CACNA2D2: variants seen among roughly 807,000 people sequenced by gnomAD.
CACNA2D2 encodes calcium voltage-gated channel auxiliary subunit alpha2delta 2.
CACNA2D2 carries 48 observed loss-of-function variants against 166.4 expected under a neutral mutation model. The observed-to-expected ratio is 0.29, with a 90% CI of 0.23 to 0.37. The LOEUF (loss-of-function observed/expected upper bound fraction) is 0.37, where lower values mean the gene tolerates loss of function less well. CACNA2D2 is among the 10% of genes least tolerant of loss of function. CACNA2D2 has a pLI of 1.00. For missense variants in CACNA2D2, 1,122 were observed against 1,433.0 expected (o/e 0.78, Z 3.50); for synonymous variants, 561 against 573.7 (o/e 0.98, Z 0.32).
rs115692863 is a variant in CACNA2D2 at position 50,376,882 on chromosome 3, C to T, written c.1626+585G>A. 1.3e-3 allele frequency among the ~76,000 whole-genome samples: 202 copies of T among 152,326 alleles called. No individual in the cohort carries two copies. The highest frequency in any genetic ancestry group is 4.5e-3 in the African/African-American group (187 of 41,574). Reference sequence around the variant, plus strand: ...CAGCCACAATGCCATCTTGCCCCTACCCTGGTTTATGATTGTTTTTCACCT... The same window carrying T: ...CAGCCACAATGCCATCTTGCCCCTATCCTGGTTTATGATTGTTTTTCACCT... On this transcript the variant is annotated intron_variant, in intron 17 of 37. Coordinates refer to ENST00000424201, the MANE Select transcript of CACNA2D2 (RefSeq NM_006030.4). The surrounding 1 kb of genome is among the most constrained non-coding windows in gnomAD (Gnocchi z 4.3).
chr3:50,401,695 G>A (rs758179797), intron 3 of CACNA2D2, among the ~76,000 whole-genome samples: 3 of 151,990 alleles, frequency 2.0e-5, no homozygotes, highest in South Asian at 4.1e-4. Flanking sequence ...AAAAGTGAAC[G>A]TTTTATTTTT....
chr3:50,415,011 G>A (rs560942867), intron 3 of CACNA2D2, among the ~76,000 whole-genome samples: 6 of 152,338 alleles, frequency 3.9e-5, no homozygotes, highest in African/African-American at 9.6e-5. Context: ...CCATGGGCCC[G>A]TCTTTCCTCC....
chr3:50,481,865 G>A (rs368343685), intron 1 of CACNA2D2, among the ~76,000 whole-genome samples: 10 of 152,090 alleles, frequency 6.6e-5, no homozygotes, highest in South Asian at 4.1e-4. Context: ...GTGTGGTATC[G>A]TACACCTGTA....
chr3:50,496,285 G>A (rs1041934650), intron 1 of CACNA2D2, among the ~76,000 whole-genome samples: 3 of 151,594 alleles, frequency 2.0e-5, no homozygotes, highest in Admixed American at 6.6e-5. Context: ...GCCTACACAC[G>A]AGAATGCCCA....
chr3:50,408,643 G>A (rs537846868), intron 3 of CACNA2D2, among the ~76,000 whole-genome samples: 1 of 152,348 alleles, frequency 6.6e-6, no homozygotes, highest in East Asian at 1.9e-4. Context: ...CAACATTTAA[G>A]GCGTTTGTCA....
At chr3:50,442,492 G>A (rs1260831618) in intron 2 of CACNA2D2, among the ~76,000 whole-genome samples, 2 of 152,148 alleles carry the variant, frequency 1.3e-5, no homozygotes, top group East Asian at 1.9e-4. Flanking sequence ...GGGGTGGGTG[G>A]TGCAATACCA....
chr3:50,470,098 C>T (rs1236555484), intron 2 of CACNA2D2, among the ~76,000 whole-genome samples: 1 of 152,232 alleles, frequency 6.6e-6, no homozygotes, highest in African/African-American at 2.4e-5. Flanking sequence ...ATCCCAGAAG[C>T]CTTGGAGCAG....
At chr3:50,369,263 CTTCA>C (rs1559878320) in intron 23 of CACNA2D2, among the ~76,000 whole-genome samples, 1 of 152,228 alleles carries the variant, frequency 6.6e-6, no homozygotes, top group Non-Finnish European at 1.5e-5. Flanking sequence ...TTGTGAGGTA[CTTCA>C]TTCACTCACC....
In CACNA2D2 at chr3:50,379,160, T is replaced by C; in HGVS notation, c.1192A>G (p.Met398Val). ...CGGTCCTCACCACCATCCGTGAACA[T>C]CATGATCATCTTGTTGCAGTTGGCC... ...TRANCNKMIM[M>V]FTDGGEDRVQ... Residue 398 changes from methionine (M) to valine (V), a missense_variant, in exon 12 of 38, where the codon ATG becomes GTG. Physicochemically the swap from Met to Val is conservative, Grantham distance 21. This residue lies in a region of CACNA2D2 where 840 missense variants were observed against 1,166.8 expected (regional missense o/e 0.72). Coordinates refer to ENST00000424201, the MANE Select transcript of CACNA2D2 (RefSeq NM_006030.4). The surrounding 1 kb of genome is among the most constrained non-coding windows in gnomAD (Gnocchi z 6.5). 2 of 1,613,972 alleles carry C rather than the reference T, an allele frequency of 1.2e-6. No individual in the cohort carries two copies. Among genetic ancestry groups the C allele is most frequent in the South Asian group, 2.2e-5 (2 of 91,078 alleles).
chr3:50,414,268 C>T (rs936150431), intron 3 of CACNA2D2, among the ~76,000 whole-genome samples: 2 of 152,154 alleles, frequency 1.3e-5, no homozygotes, highest in African/African-American at 4.8e-5. Flanking sequence ...ATACCCGCAC[C>T]GTGCAAGCGT....
At chr3:50,455,597 T>C (rs1349753388) in intron 2 of CACNA2D2, among the ~76,000 whole-genome samples, 1 of 152,118 alleles carries the variant, frequency 6.6e-6, no homozygotes, top group Non-Finnish European at 1.5e-5. Flanking sequence ...GTGCATCAGA[T>C]TACTGTTCTC....
rs368065286 is a variant in CACNA2D2, at chr3:50,365,427, T to C, written c.3027A>G (p.Lys1009=). Residue 1009 remains lysine, a synonymous_variant, in exon 35 of 38, where the codon AAA becomes AAG. Coordinates refer to ENST00000424201, the MANE Select transcript of CACNA2D2 (RefSeq NM_006030.4). This position sits in a 1 kb window ranked among gnomAD's most constrained non-coding sequence, Gnocchi z 4.5. The part of the protein sequence containing the change: ...PETRESSCVM[K]QTQYYFGSVN... ...CCGAGCCGAAGTAGTACTGGGTCTG[T>C]TTCATGACGCAGCTGCTCTCGCGCG... The C allele has an allele frequency of 1.6e-5, 26 of 1,613,624 alleles. No individual in the cohort carries two copies. The Middle Eastern group carries it at 6.6e-4, about 41-fold the overall frequency.
intron 1 of CACNA2D2, among the ~76,000 whole-genome samples, chr3:50,485,978 A>G (rs1012874735): frequency 2.0e-5 from 3 of 152,170 alleles, no homozygotes; most frequent in Non-Finnish European, 4.4e-5. Context: ...CCGGCCACTG[A>G]CACAGACTAT....
rs1707618986 is a variant in CACNA2D2, at chr3:50,422,483, C to G, written c.405+11830G>C. 3.3e-5 allele frequency among the ~76,000 whole-genome samples: 5 copies of G among 152,200 alleles called. No homozygotes were observed. The South Asian group carries it at 1.0e-3, about 32-fold the overall frequency. ...ACTAGGACACTTTTTCACAGAATCT[C>G]AAAGTGGAGTCAAGTGACAGGGATC... is the stretch of plus-strand genomic sequence containing the variant. On this transcript the variant is annotated intron_variant, in intron 3 of 37. Transcript: ENST00000424201.
intron 3 of CACNA2D2, among the ~76,000 whole-genome samples, chr3:50,428,049 T>C (rs558000517): frequency 6.6e-6 from 1 of 152,268 alleles, no homozygotes; most frequent in South Asian, 2.1e-4. Flanking sequence ...AGGCCCCCAG[T>C]ATCTCCCTGC....
chr3:50,378,237 C>T lies in CACNA2D2; in HGVS notation c.1389+47G>A, dbSNP rs761660829. The T allele has an allele frequency of 1.4e-5, 22 of 1,557,326 alleles. No homozygotes were observed. In the South Asian group the frequency reaches 2.3e-4, roughly 17 times the overall value. ...CAGCAGCCCATGGCACACAGCGTCC[C>T]TGCAGGGAAGCCAGGGGCTGGGAGG... On this transcript the variant is annotated intron_variant, in intron 14 of 37. Transcript: ENST00000424201.
chr3:50,423,670 A>G (rs750386895), intron 3 of CACNA2D2, among the ~76,000 whole-genome samples: 3 of 152,260 alleles, frequency 2.0e-5, no homozygotes, highest in Non-Finnish European at 4.4e-5. Flanking sequence ...GCTGGTGTTG[A>G]CACAGCAAAC....
In CACNA2D2 at chr3:50,376,566, CCTT is replaced by C. The variant is rs1382643195; in HGVS notation, c.1627-381_1627-379del. On this transcript the variant is annotated intron_variant, in intron 17 of 37. Transcript: ENST00000424201. This position sits in a 1 kb window ranked among gnomAD's most constrained non-coding sequence, Gnocchi z 4.3. The stretch of plus-strand genomic sequence containing the variant: ...CTACTGCCCCTGATTTGTGCCTCCT[CCTT>C]GTCCCCACGTCAAGAGAGAGCAGCG... Among the ~76,000 whole-genome samples, 1 of 152,202 alleles carries C rather than the reference CCTT, an allele frequency of 6.6e-6. No homozygotes were observed. Among genetic ancestry groups the C allele is most frequent in the Non-Finnish European group, 1.5e-5 (1 of 68,028 alleles).
Position 50,384,240 on chromosome 3 carries a change from T to C in CACNA2D2, c.608A>G (p.Tyr203Cys). 6.2e-7 allele frequency: 1 copy of C among 1,614,172 alleles called. No individual in the cohort carries two copies. The highest frequency in any genetic ancestry group is 8.5e-7 in the Non-Finnish European group (1 of 1,180,010). ...AGGGATCTGTACAGCCGCGTATGAA[T>C]AGTTGACCTTGTTCTTGAAGTTTGG... ...EDPNFKNKVN[Y>C]SYAAVQIPTD... Residue 203 changes from tyrosine to cysteine, a missense_variant, in exon 6 of 38, where the codon TAT (tyrosine) becomes TGT (cysteine). Tyr to Cys is a radical substitution (Grantham distance 194, BLOSUM62 -2). This residue lies in a region of CACNA2D2 where 840 missense variants were observed against 1,166.8 expected (regional missense o/e 0.72). Coordinates refer to ENST00000424201, the MANE Select transcript of CACNA2D2 (RefSeq NM_006030.4).
Sources: gnomAD v4.1 joint callset for allele counts (sites outside exome capture counted in the v4.1 genomes callset) on GRCh38, gnomAD v4.1.1 for gene constraint, gnomAD v4.1.1 regional missense constraint, Gnocchi (gnomAD v3.1) non-coding constraint, MANE v1.5 for transcripts, NCBI Gene and HGNC (gene_info 2026-07-23, HGNC 2026-07-21) for gene names.